CAMTA1: variants seen among roughly 807,000 people sequenced by gnomAD.
CAMTA1 encodes calmodulin-binding transcription activator 1.
CAMTA1 carries 27 observed loss-of-function variants against 170.9 expected under a neutral mutation model. The observed-to-expected ratio is 0.16, with a 90% confidence interval of 0.12 to 0.22. CAMTA1 has a LOEUF of 0.22. Among genes scored for constraint, CAMTA1 ranks in the 10% least tolerant of loss-of-function variants. The pLI, the probability that CAMTA1 is intolerant of heterozygous loss-of-function variation, is 1.00. For synonymous variants in CAMTA1, 833 were observed against 891.5 expected, an observed-to-expected ratio of 0.93 and a Z score of 1.17; for missense variants, 1,619 against 2,217.2, an observed-to-expected ratio of 0.73 and a Z score of 5.42.
chr1:7,298,875 C>T (rs1463484735), intron 5 of CAMTA1, among the ~76,000 whole-genome samples: 2 of 152,138 alleles, frequency 1.3e-5, no homozygotes, highest in Non-Finnish European at 1.5e-5. Context: ...TAAGACAGAA[C>T]AGTCCCGAGC....
intron 3 of CAMTA1, among the ~76,000 whole-genome samples, chr1:6,835,061 T>C (rs918054870): frequency 6.6e-6 from 1 of 152,246 alleles, no homozygotes; most frequent in African/African-American, 2.4e-5. Flanking sequence ...TGCTCAGGGG[T>C]TGGCAGCATC....
chr1:6,965,712 G>T lies in CAMTA1; in HGVS notation c.235-125592G>T, dbSNP rs555234506. On this transcript the variant is annotated intron_variant, in intron 3 of 22. Coordinates refer to ENST00000303635, the MANE Select transcript of CAMTA1 (RefSeq NM_015215.4). This position sits in a 1 kb window ranked among gnomAD's most constrained non-coding sequence, Gnocchi z 4.1. The stretch of plus-strand genomic sequence containing the variant: ...GGACTTTTTATGGTGGTTTTTATGA[G>T]AACATTTTCGCTTTGGGAGTTATTA... 7.1e-4 allele frequency among the ~76,000 whole-genome samples: 108 copies of T among 152,334 alleles called. 1 individual carries two copies. The highest frequency in any genetic ancestry group is 6.9e-3 in the Admixed American group (105 of 15,302).
chr1:6,955,771 G>A (rs115618889), intron 3 of CAMTA1, among the ~76,000 whole-genome samples: 2,260 of 152,264 alleles, frequency 0.015, 29 homozygotes, highest in East Asian at 0.037. Context: ...TTTGTTGCTT[G>A]TGGAGCAAGA....
chr1:6,981,457 G>A (rs541908664), intron 3 of CAMTA1, among the ~76,000 whole-genome samples: 1 of 152,030 alleles, frequency 6.6e-6, no homozygotes, highest in Non-Finnish European at 1.5e-5. Flanking sequence ...TTTTGAGGCA[G>A]GGTCTCACTC....
chr1:7,540,946 T>C (rs2094603318), intron 6 of CAMTA1, among the ~76,000 whole-genome samples: 1 of 152,246 alleles, frequency 6.6e-6, no homozygotes, highest in Admixed American at 6.5e-5. Flanking sequence ...CTTTAGCTAA[T>C]GGCACGTCCC....
intron 5 of CAMTA1, among the ~76,000 whole-genome samples, chr1:7,349,392 C>G (rs1441632060): frequency 6.6e-6 from 1 of 152,232 alleles, no homozygotes; most frequent in Non-Finnish European, 1.5e-5. Context: ...GGGAAACTCA[C>G]TCCCTGCACA....
intron 6 of CAMTA1, among the ~76,000 whole-genome samples, chr1:7,529,055 A>G (rs1405272661): frequency 1.3e-5 from 2 of 152,170 alleles, no homozygotes; most frequent in Admixed American, 1.3e-4. Flanking sequence ...TGCTTGCAGC[A>G]TCTGCTTCCT....
chr1:6,903,714 C>G (rs894149014), intron 3 of CAMTA1, among the ~76,000 whole-genome samples: 1 of 152,092 alleles, frequency 6.6e-6, no homozygotes, highest in Non-Finnish European at 1.5e-5. Context: ...CTCAGTGTTA[C>G]GAAGAAGTTG....
intron 6 of CAMTA1, among the ~76,000 whole-genome samples, chr1:7,548,297 C>T (rs941578402): frequency 3.3e-5 from 5 of 152,190 alleles, no homozygotes; most frequent in African/African-American, 1.2e-4. Flanking sequence ...ACTCCTTGCC[C>T]TCTTCTGTAG....
intron 6 of CAMTA1, among the ~76,000 whole-genome samples, chr1:7,524,451 C>T (rs1197994997): frequency 6.6e-6 from 1 of 151,946 alleles, no homozygotes; most frequent in Non-Finnish European, 1.5e-5. Context: ...TCTTCCTGTC[C>T]CATCAGTGTG....
chr1:7,091,039 C>T (rs967891097), intron 3 of CAMTA1, among the ~76,000 whole-genome samples: 2 of 152,182 alleles, frequency 1.3e-5, no homozygotes, highest in African/African-American at 2.4e-5. Context: ...CTGATGTCTT[C>T]CTGCCACAGA....
At position 7,732,144 on chromosome 1, in the gene CAMTA1, T is replaced by G. The variant is rs1235955870; in HGVS notation, c.2915-304T>G. Among the ~76,000 whole-genome samples, 1 of 152,076 alleles carries G rather than the reference T, an allele frequency of 6.6e-6. No individual in the cohort carries two copies. Among genetic ancestry groups the G allele is most frequent in the Admixed American group, 6.6e-5 (1 of 15,252 alleles). ...CTCTCTACCAGATCTCATGTCAGGG[T>G]TTCCGTTGGGGAATTTGACAAAGAA... On this transcript the variant is annotated intron_variant, in intron 11 of 22. Coordinates refer to ENST00000303635, the MANE Select transcript of CAMTA1 (RefSeq NM_015215.4). The surrounding 1 kb of genome is among the most constrained non-coding windows in gnomAD (Gnocchi z 4.1).
chr1:6,923,928 C>A (rs1682554424), intron 3 of CAMTA1, among the ~76,000 whole-genome samples: 1 of 152,180 alleles, frequency 6.6e-6, no homozygotes, highest in Admixed American at 6.5e-5. Flanking sequence ...AAAAACAATT[C>A]CCCAAGGTGT....
intron 22 of CAMTA1, among the ~76,000 whole-genome samples, chr1:7,764,983 T>C (rs562064809): frequency 4.6e-5 from 7 of 152,076 alleles, no homozygotes; most frequent in Non-Finnish European, 8.8e-5. Flanking sequence ...AGTTTTACTT[T>C]ACTGGTATAA....
chr1:7,194,797 G>T (rs1655204183), intron 4 of CAMTA1, among the ~76,000 whole-genome samples: 1 of 152,190 alleles, frequency 6.6e-6, no homozygotes, highest in Admixed American at 6.5e-5. Flanking sequence ...GCAGCTTGAG[G>T]CTAAGAGAAA....
intron 3 of CAMTA1, among the ~76,000 whole-genome samples, chr1:6,923,695 A>G (rs1459662175): frequency 6.6e-6 from 1 of 151,982 alleles, no homozygotes; most frequent in Non-Finnish European, 1.5e-5. Flanking sequence ...GGAAGCGGGG[A>G]GTCCATGTGA....
At chr1:7,631,325 G>T (rs1300182935) in intron 6 of CAMTA1, among the ~76,000 whole-genome samples, 2 of 152,182 alleles carry the variant, frequency 1.3e-5, no homozygotes, top group East Asian at 1.9e-4. Context: ...GCCCTCCCAT[G>T]AAACATCCAG....
chr1:6,785,475 G>A lies in CAMTA1; in HGVS notation c.-56G>A, dbSNP rs1638864793. 6 of 933,936 alleles carry A rather than the reference G, an allele frequency of 6.4e-6. No individual in the cohort carries two copies. Among genetic ancestry groups the A allele is most frequent in the Non-Finnish European group, 7.8e-6 (6 of 770,886 alleles). 57.9% of individuals were successfully genotyped at this position (933,936 alleles called of 1,614,324 possible). ...CGGCGGCGGCGGGGTGGCTGGGCCG[G>A]CGGCGGCGGCGGTACGAGGCGCGCG... On this transcript the variant is annotated 5_prime_UTR_variant, in exon 1 of 23. Coordinates refer to ENST00000303635, the MANE Select transcript of CAMTA1 (RefSeq NM_015215.4).
At chr1:7,319,514 A>G (rs1678039027) in intron 5 of CAMTA1, among the ~76,000 whole-genome samples, 1 of 152,118 alleles carries the variant, frequency 6.6e-6, no homozygotes, top group Non-Finnish European at 1.5e-5. Flanking sequence ...TGATGCTGCC[A>G]TGCTTCCTGT....
Sources: gnomAD v4.1 joint callset for allele counts (sites outside exome capture counted in the v4.1 genomes callset) on GRCh38, gnomAD v4.1.1 for gene constraint, Gnocchi (gnomAD v3.1) non-coding constraint, MANE v1.5 for transcripts, NCBI Gene and HGNC (gene_info 2026-07-23, HGNC 2026-07-21) for gene names.